Variants in CD8B observed in about 807,000 individuals in gnomAD.
The protein encoded by CD8B is T-cell surface glycoprotein CD8 beta chain.
CD8B carries 6 observed loss-of-function variants against 24.2 expected under a neutral mutation model. The ratio of observed to expected loss-of-function variants is 0.25; its 90% CI spans 0.14 to 0.49. The LOEUF (loss-of-function observed/expected upper bound fraction) is 0.49, where lower values mean the gene tolerates loss of function less well. Ranked by LOEUF, CD8B falls within the 20% of genes least tolerant of loss-of-function variation. The probability of loss-of-function intolerance (pLI) is 0.98; values close to 1 mark genes in which losing one functional copy is unlikely to be tolerated. For missense variants in CD8B, 196 were observed against 271.3 expected (o/e 0.72, Z 1.95); for synonymous variants, 84 against 108.3 (o/e 0.78, Z 1.39).
At chr2:86,815,946 T>C (rs59213426) in intron 5 of CD8B, among the ~76,000 whole-genome samples, 14,661 of 152,222 alleles carry the variant, frequency 0.096, 2,201 homozygotes, top group African/African-American at 0.32. Flanking sequence ...TTTCTGTTTC[T>C]TGTGATTTCT....
At position 86,840,489 on chromosome 2, in the gene CD8B, G is replaced by T. The variant is rs1271682714; in HGVS notation, c.*1818C>A. ...CCAAGCACGGGCCATCCCTTCATCC[G>T]CATAGGGCGTCAATTCACCTCAGCC... On this transcript the variant is annotated 3_prime_UTR_variant, in exon 6 of 6. Coordinates refer to ENST00000390655, the MANE Select transcript of CD8B (RefSeq NM_004931.5). Among the ~76,000 whole-genome samples the T allele has an allele frequency of 6.6e-6, 1 of 152,140 alleles. No homozygotes were observed. Among genetic ancestry groups the T allele is most frequent in the Admixed American group, 6.5e-5 (1 of 15,272 alleles).
intron 5 of CD8B, chr2:86,821,740 G>C: frequency 2.3e-6 from 1 of 441,292 alleles, no homozygotes; most frequent in Non-Finnish European, 4.6e-6. Context: ...GAAAATCGCA[G>C]TTTCACTTTT....
At position 86,841,905 on chromosome 2, in the gene CD8B, A is replaced by C; in HGVS notation, c.*402T>G. 26 of 991,856 alleles carry C rather than the reference A, an allele frequency of 2.6e-5. No individual in the cohort carries two copies. The highest frequency in any genetic ancestry group is 3.1e-5 in the Non-Finnish European group (26 of 834,310). The allele number at this position is 991,856 out of a possible 1,614,324, so 61.4% of individuals were successfully genotyped here. A position where few individuals can be genotyped will look rare whatever the true frequency, so the allele number is the denominator to read the frequency against. On this transcript the variant is annotated 3_prime_UTR_variant, in exon 6 of 6. Transcript: ENST00000390655. ...AAGACCAAGAGGGAGCCAGCCCAGC[A>C]TCACCCCATGAAAGACCCAGGACCC...
At chr2:86,845,985 G>A (rs1186160516) in intron 4 of CD8B, among the ~76,000 whole-genome samples, 3 of 152,182 alleles carry the variant, frequency 2.0e-5, no homozygotes, top group East Asian at 1.9e-4. Context: ...TCATAGATGC[G>A]CAGAGAGGGG....
intron 4 of CD8B, among the ~76,000 whole-genome samples, chr2:86,845,485 G>A (rs1019955150): frequency 1.3e-4 from 20 of 152,014 alleles, no homozygotes; most frequent in Non-Finnish European, 2.6e-4. Flanking sequence ...TTTTAGGAAT[G>A]GGGTCTTATT....
At chr2:86,821,403 A>C (rs1674461955) in intron 5 of CD8B, among the ~76,000 whole-genome samples, 1 of 152,224 alleles carries the variant, frequency 6.6e-6, no homozygotes, top group Admixed American at 6.5e-5. Context: ...AAAAGAACGC[A>C]CAACTCCCAG....
At chr2:86,822,744 CCTT>C (rs769765538) in intron 5 of CD8B, among the ~76,000 whole-genome samples, 38 of 152,280 alleles carry the variant, frequency 2.5e-4, no homozygotes, top group Non-Finnish European at 4.6e-4. Context: ...AACTCACTTC[CCTT>C]CCCAGAGAGC....
intron 2 of CD8B, among the ~76,000 whole-genome samples, chr2:86,857,484 T>C (rs556313096): frequency 6.6e-6 from 1 of 152,190 alleles, no homozygotes; most frequent in East Asian, 1.9e-4. Context: ...TTTGGGAGGC[T>C]AAGGTGGGTG....
chr2:86,821,290 C>G (rs938054167), intron 5 of CD8B, among the ~76,000 whole-genome samples: 3 of 152,086 alleles, frequency 2.0e-5, no homozygotes, highest in Non-Finnish European at 2.9e-5. Context: ...TGAATCGAAG[C>G]TTTCGGATTT....
intron 5 of CD8B, among the ~76,000 whole-genome samples, chr2:86,824,970 G>A (rs1437522438): frequency 6.6e-6 from 1 of 152,180 alleles, no homozygotes; most frequent in East Asian, 1.9e-4. Context: ...CATAACTAAT[G>A]CCAATAAATA....
At chr2:86,860,153 C>T (rs541361098) in intron 1 of CD8B, among the ~76,000 whole-genome samples, 9 of 152,392 alleles carry the variant, frequency 5.9e-5, no homozygotes, top group South Asian at 2.1e-4. Context: ...GCCTCTAATC[C>T]CAGCTACTAG....
intron 5 of CD8B, 35 bp from the exon 6 acceptor site, chr2:86,842,354 T>G: frequency 6.4e-7 from 1 of 1,573,892 alleles, no homozygotes; most frequent in Non-Finnish European, 8.6e-7. Context: ...ACCACTTATT[T>G]TCAGGCAAAC....
At chr2:86,845,894 G>A (rs1328065403) in intron 4 of CD8B, among the ~76,000 whole-genome samples, 29 of 150,964 alleles carry the variant, frequency 1.9e-4, no homozygotes, top group African/African-American at 6.9e-4. Flanking sequence ...TATTTTCATC[G>A]TATGTTCAAA....
At chr2:86,822,202 C>A in intron 5 of CD8B, 1 of 592,252 alleles carries the variant, frequency 1.7e-6, no homozygotes. Flanking sequence ...TATATCAGTG[C>A]TGAAAATGTG....
rs1470536551 is a variant in CD8B at position 86,845,770 on chromosome 2, T to C, written c.584-812A>G. 3.3e-5 allele frequency among the ~76,000 whole-genome samples: 5 copies of C among 152,248 alleles called. 1 individual carries two copies. Among genetic ancestry groups the C allele is most frequent in the Non-Finnish European group, 5.9e-5 (4 of 68,046 alleles). ...AGTTCCTTCCTTGATCGAGAGAGTT[T>C]GCAAACCACTGAAATTTATGGGTTT... is the stretch of plus-strand genomic sequence containing the variant. On this transcript the variant is annotated intron_variant, in intron 4 of 5. Coordinates refer to ENST00000390655, the MANE Select transcript of CD8B (RefSeq NM_004931.5).
downstream of CD8B, among the ~76,000 whole-genome samples, chr2:86,834,292 A>C (rs1225412740): frequency 6.8e-6 from 1 of 147,222 alleles, no homozygotes; most frequent in Non-Finnish European, 1.5e-5. Context: ...AGCAGTGAGC[A>C]GCATCACTGT....
rs535261319 is a variant in CD8B at position 86,859,089 on chromosome 2, C to A, written c.44-673G>T. ...GGCTGCCACTGGATGTACAGCCCTT[C>A]GGTAGGCTCCAAACTGCCGAAGGAG... On this transcript the variant is annotated intron_variant, in intron 1 of 5. Transcript: ENST00000390655. Among the ~76,000 whole-genome samples, 653 of 152,114 alleles carry A rather than the reference C, an allele frequency of 4.3e-3. 6 individuals carry two copies. The highest frequency in any genetic ancestry group is 0.015 in the African/African-American group (614 of 41,490).
At chr2:86,828,860 C>A (rs1220093801) in intron 5 of CD8B, among the ~76,000 whole-genome samples, 1 of 152,010 alleles carries the variant, frequency 6.6e-6, no homozygotes, top group Non-Finnish European at 1.5e-5. Flanking sequence ...AATAACTCTT[C>A]ATCACTTTTT....
intron 3 of CD8B, among the ~76,000 whole-genome samples, chr2:86,848,286 T>C (rs1296255605): frequency 3.3e-5 from 5 of 152,202 alleles, no homozygotes; most frequent in Non-Finnish European, 1.5e-5. Flanking sequence ...AATGTTTTAG[T>C]TTTTGCCAGT....
Sources: allele counts gnomAD v4.1 joint callset (sites outside exome capture counted in the v4.1 genomes callset), GRCh38; gene constraint gnomAD v4.1.1; transcripts MANE v1.5; gene names NCBI Gene and HGNC (gene_info 2026-07-23, HGNC 2026-07-21).